ESYT2: variants seen among roughly 807,000 people sequenced by gnomAD.
The protein encoded by ESYT2 is extended synaptotagmin-2.
ESYT2 carries 54 observed loss-of-function variants against 107.2 expected under a neutral mutation model. That is an observed-to-expected ratio of 0.50 (90% CI 0.40 to 0.63). The LOEUF (loss-of-function observed/expected upper bound fraction) is 0.63, where lower values mean the gene tolerates loss of function less well. Among genes scored for constraint, ESYT2 ranks in the 30% least tolerant of loss-of-function variants. The pLI, the probability that ESYT2 is intolerant of heterozygous loss-of-function variation, is 0.00. For synonymous variants in ESYT2, 491 were observed against 434.1 expected (o/e 1.13, Z -1.63); for missense variants, 1,020 against 1,094.5 (o/e 0.93, Z 0.96).
intron 13 of ESYT2, among the ~76,000 whole-genome samples, chr7:158,755,532 G>A (rs1837725020): frequency 6.6e-6 from 1 of 152,158 alleles, no homozygotes; most frequent in Admixed American, 6.5e-5. Context: ...AGTTTACACA[G>A]GGGAGCTATC....
At chr7:158,788,311 C>T in intron 5 of ESYT2, 34 bp downstream of exon 5, 1 of 1,564,010 alleles carries the variant, frequency 6.4e-7, no homozygotes, top group Non-Finnish European at 8.7e-7. Context: ...CTTTAGAAAA[C>T]TGTCAAATTA....
At chr7:158,774,366 A>G (rs1449645919) in intron 6 of ESYT2, among the ~76,000 whole-genome samples, 1 of 152,248 alleles carries the variant, frequency 6.6e-6, no homozygotes, top group Non-Finnish European at 1.5e-5. Flanking sequence ...ATGAGATATA[A>G]ATATAAAATA....
Position 158,829,112 on chromosome 7 carries a change from G to A in ESYT2, c.307C>T (p.Arg103Cys), listed in dbSNP as rs376764396. The change falls in exon 1 of 23, where the codon CGC becomes TGC. Residue 103 changes from arginine to cysteine, a missense_variant. By Grantham distance (180) the Arg-to-Cys change is radical. Coordinates refer to ENST00000275418, the MANE Select transcript of ESYT2 (RefSeq NM_001367773.1). ...DEERVVRLGVRACDLPAWVHF... is the reference protein window; with the variant it reads ...DEERVVRLGVCACDLPAWVHF... ...ACCCAGGCGGGCAGGTCGCAGGCGC[G>A]CACCCCCAGGCGCACGACGCGCTCC... 53 of 1,579,086 alleles carry A rather than the reference G, an allele frequency of 3.4e-5. No homozygotes were observed. Among genetic ancestry groups the A allele is most frequent in the Non-Finnish European group, 4.4e-5 (52 of 1,171,802 alleles).
At chr7:158,817,150 A>AC (rs1340387422) in intron 1 of ESYT2, among the ~76,000 whole-genome samples, 1 of 152,100 alleles carries the variant, frequency 6.6e-6, no homozygotes, top group East Asian at 1.9e-4. Flanking sequence ...TCCAAAGTTA[A>AC]CCTGTAAAAC....
At chr7:158,786,154 T>G (rs1434790535) in intron 6 of ESYT2, among the ~76,000 whole-genome samples, 1 of 152,218 alleles carries the variant, frequency 6.6e-6, no homozygotes, top group African/African-American at 2.4e-5. Context: ...ATTTGGAAGT[T>G]AATACGTTAT....
chr7:158,736,987 G>C, intron 20 of ESYT2, 61 bp downstream of exon 20: 1 of 1,597,532 alleles, frequency 6.3e-7, no homozygotes, highest in Non-Finnish European at 8.6e-7. Flanking sequence ...CACCATTTAG[G>C]GCCTTCTTAA....
chr7:158,751,987 C>T lies in ESYT2; in HGVS notation c.1482+794G>A, dbSNP rs144042338. On this transcript the variant is annotated intron_variant, in intron 14 of 22. Coordinates refer to ENST00000275418, the MANE Select transcript of ESYT2 (RefSeq NM_001367773.1). ...GGACGAAGTGGGGGTTCGCAAATAC[C>T]ACAATATAAAGCAGACTCTGCCAGT... 6.7e-4 allele frequency among the ~76,000 whole-genome samples: 102 copies of T among 152,246 alleles called. No individual in the cohort carries two copies. In the East Asian group the frequency reaches 0.017, roughly 25 times the overall value.
intron 1 of ESYT2, among the ~76,000 whole-genome samples, chr7:158,806,994 T>G (rs957728646): frequency 2.4e-4 from 37 of 152,194 alleles, no homozygotes; most frequent in African/African-American, 8.4e-4. Flanking sequence ...TTTGTGTGAC[T>G]ATATACATAG....
At chr7:158,763,228 A>AC in intron 9 of ESYT2, 63 bp from the exon 10 acceptor site, 10 of 1,129,738 alleles carry the variant, frequency 8.9e-6, no homozygotes, top group African/African-American at 1.5e-5. Context: ...ACTGAGTATG[A>AC]TATGATGATT....
intron 1 of ESYT2, among the ~76,000 whole-genome samples, chr7:158,812,796 A>G (rs1418899201): frequency 2.0e-5 from 3 of 152,214 alleles, no homozygotes; most frequent in African/African-American, 7.2e-5. Flanking sequence ...ATTAACCTCA[A>G]AACTAAGCTA....
At chr7:158,760,008 T>G in intron 12 of ESYT2, 50 bp downstream of exon 12, 3 of 1,538,922 alleles carry the variant, frequency 1.9e-6, no homozygotes, top group Non-Finnish European at 9.0e-7. Context: ...AGCTCAGTTA[T>G]GAGGAGTAGT....
chr7:158,793,741 A>G lies in ESYT2; in HGVS notation c.508-15T>C. On this transcript the variant is annotated splice_polypyrimidine_tract_variant and intron_variant, in intron 3 of 22. Transcript: ENST00000275418. ...ATCCTGAGGGGCTGAAATAAGAAGT[A>G]GCTTATTTTAAGATACAGAGGTTAA... 4 of 1,600,948 alleles carry G rather than the reference A, an allele frequency of 2.5e-6. No homozygotes were observed. The highest frequency in any genetic ancestry group is 3.4e-6 in the Non-Finnish European group (4 of 1,170,314).
intron 7 of ESYT2, among the ~76,000 whole-genome samples, chr7:158,770,252 TAGAA>T (rs1392370940): frequency 6.6e-6 from 1 of 152,098 alleles, no homozygotes; most frequent in African/African-American, 2.4e-5. Flanking sequence ...ATTTATCTGA[TAGAA>T]AGACTGACAA....
intron 1 of ESYT2, among the ~76,000 whole-genome samples, chr7:158,807,280 A>G (rs909973022): frequency 2.0e-5 from 3 of 150,248 alleles, no homozygotes; most frequent in African/African-American, 4.9e-5. Flanking sequence ...AAAGAATTAC[A>G]GAAGTGACTG....
chr7:158,768,200 T>C (rs1483082134), intron 7 of ESYT2, among the ~76,000 whole-genome samples: 1 of 152,182 alleles, frequency 6.6e-6, no homozygotes, highest in Non-Finnish European at 1.5e-5. Flanking sequence ...AACATACATA[T>C]AAGTACAGAG....
chr7:158,739,031 A>G lies in ESYT2; in HGVS notation c.2259T>C (p.His753=). The change falls in exon 19 of 23, where the codon CAT becomes CAC. Residue 753 remains histidine, a synonymous_variant. Transcript: ENST00000275418. ...SQRNKLIVVV[H]ACRNLIAFSE... ...GGGACCCCAGCCCCCACCTGCAGGC[A>G]TGCACGACCACGATAAGCTTGTTTC... 2 of 1,614,018 alleles carry G rather than the reference A, an allele frequency of 1.2e-6. No individual in the cohort carries two copies. Among genetic ancestry groups the G allele is most frequent in the Non-Finnish European group, 1.7e-6 (2 of 1,179,930 alleles).
Position 158,814,324 on chromosome 7 carries a change from T to A in ESYT2, c.330+14765A>T, listed in dbSNP as rs1474429390. Among the ~76,000 whole-genome samples the A allele has an allele frequency of 3.9e-3, 20 of 5,066 alleles. 1 individual carries two copies. The highest frequency in any genetic ancestry group is 6.0e-3 in the Non-Finnish European group (6 of 994). 3.3% of individuals were successfully genotyped at this position (5,066 alleles called of 152,430 possible). Reference sequence around the variant, plus strand: ...ATATATATATATATATATATATATATATATATATATATATATATATATGAA... The same window carrying A: ...ATATATATATATATATATATATATAAATATATATATATATATATATATGAA... On this transcript the variant is annotated intron_variant, in intron 1 of 22. Coordinates refer to ENST00000275418, the MANE Select transcript of ESYT2 (RefSeq NM_001367773.1).
In ESYT2 at chr7:158,731,980, G is replaced by A. The variant is rs1024635105; in HGVS notation, c.*2227C>T. 6.6e-6 allele frequency: 1 copy of A among 152,078 alleles called. No homozygotes were observed. Among genetic ancestry groups the A allele is most frequent in the African/African-American group, 2.4e-5 (1 of 41,400 alleles). 9.4% of individuals were successfully genotyped at this position (152,078 alleles called of 1,614,324 possible). On this transcript the variant is annotated 3_prime_UTR_variant, in exon 23 of 23. Coordinates refer to ENST00000275418, the MANE Select transcript of ESYT2 (RefSeq NM_001367773.1). ...GCTACTGGAGGCCAAGCACCTCCAGGCACTCAAGGCCCTGGGGACAGCGCT... is the reference window on the plus strand; with the variant it reads ...GCTACTGGAGGCCAAGCACCTCCAGACACTCAAGGCCCTGGGGACAGCGCT...
rs1344683321 is a variant in ESYT2 at position 158,734,072 on chromosome 7, A to G, written c.*135T>C. 1 of 1,116,732 alleles carries G rather than the reference A, an allele frequency of 9.0e-7. No individual in the cohort carries two copies. The highest frequency in any genetic ancestry group is 1.6e-5 in the African/African-American group (1 of 62,234). 69.2% of individuals were successfully genotyped at this position (1,116,732 alleles called of 1,614,324 possible). ...GCCAAATTTGCCTGAAATGTCAACA[A>G]TTTTATAAAACTATTAAGGTATGTA... On this transcript the variant is annotated 3_prime_UTR_variant, in exon 23 of 23. Coordinates refer to ENST00000275418, the MANE Select transcript of ESYT2 (RefSeq NM_001367773.1).
Sources: allele counts gnomAD v4.1 joint callset (sites outside exome capture counted in the v4.1 genomes callset), GRCh38; gene constraint gnomAD v4.1.1; transcripts MANE v1.5; gene names NCBI Gene and HGNC (gene_info 2026-07-23, HGNC 2026-07-21).